Variants in PHB2 observed in about 807,000 individuals in gnomAD.
PHB2 encodes prohibitin-2.
A neutral mutation model predicts 46.4 loss-of-function variants in PHB2; 22 were observed. The observed-to-expected ratio is 0.47, with a 90% CI of 0.34 to 0.68. The LOEUF is 0.68. PHB2 is among the 30% of genes least tolerant of loss of function. The probability of loss-of-function intolerance (pLI) is 0.01; values close to 1 mark genes in which losing one functional copy is unlikely to be tolerated. For missense variants in PHB2, 305 were observed against 382.8 expected, an observed-to-expected ratio of 0.80 and a Z score of 1.70; for synonymous variants, 156 against 150.5, an observed-to-expected ratio of 1.04 and a Z score of -0.27.
Position 6,968,598 on chromosome 12 carries a change from G to C in PHB2, c.293-3C>G. ...GGAGATATTCACCATCTGTAGGTCT[G>C]AGATTGAGGTCAGCAGTGGCTGGTC... On this transcript the variant is annotated splice_region_variant and splice_polypyrimidine_tract_variant and intron_variant, in intron 3 of 9. Coordinates refer to ENST00000535923, the MANE Select transcript of PHB2 (RefSeq NM_001144831.2). 1 of 1,612,944 alleles carries C rather than the reference G, an allele frequency of 6.2e-7. No homozygotes were observed. Among genetic ancestry groups the C allele is most frequent in the Non-Finnish European group, 8.5e-7 (1 of 1,179,374 alleles).
At chr12:6,970,696 C>G (rs1032384013), upstream of PHB2, 4 of 1,018,450 alleles carry the variant, frequency 3.9e-6, no homozygotes, top group African/African-American at 6.5e-5. Flanking sequence ...CCCTTTGAAA[C>G]CCTCCCCCTT....
chr12:6,967,030 T>C lies in PHB2; in HGVS notation c.789+141A>G. On this transcript the variant is annotated intron_variant, in intron 7 of 9. Transcript: ENST00000535923. This position sits in a 1 kb window ranked among gnomAD's most constrained non-coding sequence, Gnocchi z 4.9. The stretch of plus-strand genomic sequence containing the variant: ...TCCCAAAGTGCGGGGATTACATGCG[T>C]GAGCCACCGCGCCGGCCAGAGAAGC... 1.4e-6 allele frequency: 1 copy of C among 710,300 alleles called. No individual in the cohort carries two copies. Among genetic ancestry groups the C allele is most frequent in the Non-Finnish European group, 2.4e-6 (1 of 411,680 alleles). The allele number at this position is 710,300 out of a possible 1,614,324, so 44.0% of individuals were successfully genotyped here.
At chr12:6,965,779 A>C in intron 9 of PHB2, 67 bp from the exon 10 acceptor site, 1 of 1,551,810 alleles carries the variant, frequency 6.4e-7, no homozygotes, top group African/African-American at 1.4e-5. Context: ...AGGACACTCT[A>C]GGCCATTCCC....
intron 3 of PHB2, 186 bp from the exon 4 acceptor site, chr12:6,968,781 C>T: frequency 1.6e-6 from 1 of 630,614 alleles, no homozygotes; most frequent in Non-Finnish European, 2.9e-6. Context: ...CCCTCACCCA[C>T]TGTGAAGCCT....
At position 6,968,029 on chromosome 12, in the gene PHB2, C is replaced by G. The variant is rs782352200; in HGVS notation, c.478-8G>C. On this transcript the variant is annotated splice_region_variant and splice_polypyrimidine_tract_variant and intron_variant, in intron 4 of 9. Transcript: ENST00000535923. ...GCGGATCAACAGGGATACCTGAGGG[C>G]AGGGGTGAAGAGGGGAAGGGAGGGG... 3.5e-5 allele frequency: 55 copies of G among 1,592,616 alleles called. No individual in the cohort carries two copies. The highest frequency in any genetic ancestry group is 4.5e-5 in the Non-Finnish European group (53 of 1,165,294).
intron 3 of PHB2, chr12:6,968,836 C>G (rs782242659): frequency 3.4e-5 from 18 of 530,434 alleles, no homozygotes; most frequent in African/African-American, 2.8e-4. Flanking sequence ...ACTCTTTCCC[C>G]CTCTGTACTC....
At chr12:6,965,877 C>T (rs1555150702) in intron 9 of PHB2, 34 bp downstream of exon 9, 2 of 1,598,310 alleles carry the variant, frequency 1.3e-6, no homozygotes, top group South Asian at 2.2e-5. Flanking sequence ...GAGAAGGTGG[C>T]CTGCAGGACC....
chr12:6,966,296 C>G, intron 8 of PHB2, 128 bp downstream of exon 8: 1 of 684,384 alleles, frequency 1.5e-6, no homozygotes, highest in Non-Finnish European at 2.7e-6. Context: ...TGTCAACCAC[C>G]CCCTTTTCTA....
chr12:6,969,538 C>A lies in PHB2; in HGVS notation c.252G>T (p.Arg84=), dbSNP rs1181805252. 1.2e-6 allele frequency: 2 copies of A among 1,609,760 alleles called. No homozygotes were observed. Among genetic ancestry groups the A allele is most frequent in the African/African-American group, 1.3e-5 (1 of 74,770 alleles). Residue 84 remains arginine, a synonymous_variant, in exon 3 of 10, where the codon CGG becomes CGT. Transcript: ENST00000535923. ...GGGAGGAGATTTTTCGAGGTCTGGC[C>A]CGAATGTCATAGATAATGGGGTACT... ...WFQYPIIYDI[R]ARPRKISSPT...
rs782512483 is a variant in PHB2 at position 6,968,417 on chromosome 12, C to A, written c.471G>T (p.Arg157=). Reference sequence around the variant, plus strand: ...ATGGTGGTGGGAGTCAGACCTGGGCCCGCTGGGTGATCAGCTGTGAGGCAT... The same window carrying A: ...ATGGTGGTGGGAGTCAGACCTGGGCACGCTGGGTGATCAGCTGTGAGGCAT... ...KFNASQLITQ[R]AQVSLLIRRE... Residue 157 remains arginine, a synonymous_variant, in exon 4 of 10, where the codon CGG becomes CGT. Transcript: ENST00000535923. 4 of 1,606,044 alleles carry A rather than the reference C, an allele frequency of 2.5e-6. No individual in the cohort carries two copies. Among genetic ancestry groups the A allele is most frequent in the Non-Finnish European group, 3.4e-6 (4 of 1,174,966 alleles).
At chr12:6,969,212 A>G (rs964753048) in intron 3 of PHB2, among the ~76,000 whole-genome samples, 1 of 152,160 alleles carries the variant, frequency 6.6e-6, no homozygotes, top group Non-Finnish European at 1.5e-5. Flanking sequence ...TCAAGCAGTT[A>G]GAAAAAAAAG....
chr12:6,968,987 T>C (rs79494602), intron 3 of PHB2, among the ~76,000 whole-genome samples: 7,031 of 152,222 alleles, frequency 0.046, 276 homozygotes, highest in African/African-American at 0.1. Flanking sequence ...CTGCACTAGG[T>C]ATAGCACAAA....
intron 3 of PHB2, 198 bp from the exon 4 acceptor site, chr12:6,968,793 G>A: frequency 1.6e-6 from 1 of 614,820 alleles, no homozygotes; most frequent in South Asian, 1.7e-5. Flanking sequence ...GTGAAGCCTT[G>A]AACTGCAAAC....
Position 6,968,597 on chromosome 12 carries a change from T to G in PHB2, c.293-2A>C. The G allele has an allele frequency of 6.2e-7, 1 of 1,612,784 alleles. No individual in the cohort carries two copies. Among genetic ancestry groups the G allele is most frequent in the Non-Finnish European group, 8.5e-7 (1 of 1,179,168 alleles). ...GGGAGATATTCACCATCTGTAGGTC[T>G]GAGATTGAGGTCAGCAGTGGCTGGT... On this transcript the variant is annotated splice_acceptor_variant, in intron 3 of 9. Coordinates refer to ENST00000535923, the MANE Select transcript of PHB2 (RefSeq NM_001144831.2). LOFTEE classifies it high-confidence loss of function.
At chr12:6,966,757 AT>A (rs1207411148) in intron 7 of PHB2, among the ~76,000 whole-genome samples, 3 of 152,026 alleles carry the variant, frequency 2.0e-5, no homozygotes, top group Non-Finnish European at 4.4e-5. Context: ...TTATTTATTT[AT>A]TTTTGAGACG....
intron 7 of PHB2, 22 bp from the exon 8 acceptor site, chr12:6,966,522 A>G: frequency 1.3e-6 from 2 of 1,505,282 alleles, no homozygotes; most frequent in Non-Finnish European, 1.9e-6. Flanking sequence ...GAAATAAGAC[A>G]GATGCTTGCA....
Position 6,967,239 on chromosome 12 carries a change from C to A in PHB2, c.721G>T (p.Ala241Ser). The A allele has an allele frequency of 6.2e-7, 1 of 1,613,512 alleles. No homozygotes were observed. Among genetic ancestry groups the A allele is most frequent in the Non-Finnish European group, 8.5e-7 (1 of 1,179,664 alleles). Residue 241 changes from alanine (A) to serine (S), a missense_variant, in exon 7 of 10, where the codon GCA becomes TCA. By Grantham distance (99) the Ala-to-Ser change is moderately conservative. Transcript: ENST00000535923. The surrounding 1 kb of genome is among the most constrained non-coding windows in gnomAD (Gnocchi z 4.9). Reference sequence around the variant, plus strand: ...ATGTAGCCAGGGTTCTTGCTCAGTGCTTCTCCAAGGTGAGGAGGGTTAAGG... The same window carrying A: ...ATGTAGCCAGGGTTCTTGCTCAGTGATTCTCCAAGGTGAGGAGGGTTAAGG... ...EAEAAKMLGEALSKNPGYIKL... is the reference protein window; with the variant it reads ...EAEAAKMLGESLSKNPGYIKL...
intron 9 of PHB2, 69 bp downstream of exon 9, chr12:6,965,842 G>C (rs1555150696): frequency 1.6e-5 from 26 of 1,588,814 alleles, no homozygotes; most frequent in South Asian, 1.1e-4. Flanking sequence ...GGTGGGAAAG[G>C]GGGTAGGGTA....
rs1555151819 is a variant in PHB2 at position 6,970,245 on chromosome 12, T to A, written c.163A>T (p.Ile55Phe). Residue 55 changes from isoleucine to phenylalanine, a missense_variant, in exon 2 of 10, where the codon ATC (isoleucine) becomes TTC (phenylalanine). This residue lies in a region of PHB2 where 4 missense variants were observed against 19.2 expected (regional missense o/e 0.21). Transcript: ENST00000535923. ...ATAGTGTCCTGCTGCACTCCACCGA[T>A]CCGATTGAAGAAGATGGCTCTGTGC... ...GGHRAIFFNR[I>F]GGVQQDTILA... The A allele has an allele frequency of 6.2e-7, 1 of 1,613,666 alleles. No individual in the cohort carries two copies. Among genetic ancestry groups the A allele is most frequent in the Non-Finnish European group, 8.5e-7 (1 of 1,179,854 alleles).
Sources: gnomAD v4.1 joint callset for allele counts (sites outside exome capture counted in the v4.1 genomes callset) on GRCh38, gnomAD v4.1.1 for gene constraint, gnomAD v4.1.1 regional missense constraint, Gnocchi (gnomAD v3.1) non-coding constraint, MANE v1.5 for transcripts, NCBI Gene and HGNC (gene_info 2026-07-23, HGNC 2026-07-21) for gene names.